The following CFAP92 variants were observed in gnomAD, a reference collection of about 807,000 sequenced individuals.
The protein encoded by CFAP92 is cilia and flagella associated protein 92 (putative).
A neutral mutation model predicts 106.3 loss-of-function variants in CFAP92; 86 were observed. The ratio of observed to expected loss-of-function variants is 0.81; its 90% confidence interval spans 0.68 to 0.97. The LOEUF (loss-of-function observed/expected upper bound fraction) is 0.97, where lower values mean the gene tolerates loss of function less well. Among genes scored for constraint, CFAP92 ranks in the 50% least tolerant of loss-of-function variants. The probability of loss-of-function intolerance (pLI) is 0.00; values close to 1 mark genes in which losing one functional copy is unlikely to be tolerated. For synonymous variants in CFAP92, 477 were observed against 506.4 expected, an observed-to-expected ratio of 0.94 and a Z score of 0.78; for missense variants, 1,204 against 1,283.8, an observed-to-expected ratio of 0.94 and a Z score of 0.95.
At chr3:128,992,991 G>T in intron 2 of CFAP92, 52 bp downstream of exon 2, 1 of 1,602,298 alleles carries the variant, frequency 6.2e-7, no homozygotes, top group Non-Finnish European at 8.5e-7. Flanking sequence ...CCTGCAGAAA[G>T]TCATGCACCT....
At chr3:128,946,179 T>C (rs1242450963) in intron 9 of CFAP92, among the ~76,000 whole-genome samples, 1 of 152,180 alleles carries the variant, frequency 6.6e-6, no homozygotes, top group Non-Finnish European at 1.5e-5. Flanking sequence ...CGCACCAGGA[T>C]GGCGACTGGC....
intron 7 of CFAP92, among the ~76,000 whole-genome samples, chr3:128,972,201 A>G (rs1942850201): frequency 6.6e-6 from 1 of 152,232 alleles, no homozygotes; most frequent in Non-Finnish European, 1.5e-5. Flanking sequence ...AATCATCAGA[A>G]GAATATCTAG....
At chr3:128,982,722 T>A (rs900497825) in intron 4 of CFAP92, among the ~76,000 whole-genome samples, 18 of 152,214 alleles carry the variant, frequency 1.2e-4, no homozygotes, top group African/African-American at 3.9e-4. Context: ...GAGGCCATTG[T>A]AAGGTTATTA....
chr3:128,919,177 C>G (rs1165156398), intron 12 of CFAP92, among the ~76,000 whole-genome samples: 1 of 151,830 alleles, frequency 6.6e-6, no homozygotes, highest in Non-Finnish European at 1.5e-5. Context: ...CGCCAGACTT[C>G]AAGCGATCCA....
In CFAP92 at chr3:128,977,140, A is replaced by G. The variant is rs1173125876; in HGVS notation, c.809-74T>C. On this transcript the variant is annotated intron_variant, in intron 5 of 15. Coordinates refer to ENST00000645291, the MANE Select transcript of CFAP92 (RefSeq NM_001394090.1). ...ACTAAGAAATGAGGGCCCCTGACCC[A>G]TTTCTGTAATGTCAGTCTCTATGCA... 6.2e-6 allele frequency: 7 copies of G among 1,136,950 alleles called. No homozygotes were observed. In the Admixed American group the frequency reaches 7.4e-5, roughly 12 times the overall value. The allele number at this position is 1,136,950 out of a possible 1,614,324, so 70.4% of individuals were successfully genotyped here. A position where few individuals can be genotyped will look rare whatever the true frequency, so the allele number is the denominator to read the frequency against.
At chr3:128,943,267 A>G (rs911211877) in intron 10 of CFAP92, among the ~76,000 whole-genome samples, 2 of 152,126 alleles carry the variant, frequency 1.3e-5, no homozygotes, top group Non-Finnish European at 2.9e-5. Context: ...CTACATTCAC[A>G]ATGTTGTGCA....
At chr3:129,015,733 C>G in the CFAP92 span, among the ~76,000 whole-genome samples, 1 of 151,842 alleles carries the variant, frequency 6.6e-6, no homozygotes, top group Admixed American at 6.6e-5. Flanking sequence ...GGACTGTCCC[C>G]CCACCCCTTG....
intron 2 of CFAP92, among the ~76,000 whole-genome samples, chr3:128,992,772 T>C (rs927110424): frequency 6.6e-6 from 1 of 151,998 alleles, no homozygotes; most frequent in African/African-American, 2.4e-5. Flanking sequence ...AACCTCTCCA[T>C]GGTTTTTTTT....
intron 9 of CFAP92, among the ~76,000 whole-genome samples, chr3:128,965,005 T>C (rs1452772165): frequency 6.6e-6 from 1 of 152,246 alleles, no homozygotes; most frequent in Non-Finnish European, 1.5e-5. Flanking sequence ...CCCCTGTGAC[T>C]TGCACGTATA....
chr3:128,924,017 C>A (rs1937514179), intron 12 of CFAP92, among the ~76,000 whole-genome samples: 1 of 152,168 alleles, frequency 6.6e-6, no homozygotes, highest in South Asian at 2.1e-4. Flanking sequence ...TTTGTGCTGT[C>A]TCCTTTTAGT....
Position 128,975,128 on chromosome 3 carries a change from T to A in CFAP92, c.1021+651A>T, listed in dbSNP as rs575612184. Among the ~76,000 whole-genome samples the A allele has an allele frequency of 8.4e-4, 119 of 142,376 alleles. 1 individual carries two copies. The highest frequency in any genetic ancestry group is 8.0e-3 in the South Asian group (38 of 4,768). The allele number at this position is 142,376 out of a possible 152,430, so 93.4% of individuals were successfully genotyped here. A position where few individuals can be genotyped will look rare whatever the true frequency, so the allele number is the denominator to read the frequency against. The stretch of plus-strand genomic sequence containing the variant: ...GAGTGAGACTCCATCTCAAAAAAAA[T>A]AAAATAAAATAAAATAAAAAGAGTA... On this transcript the variant is annotated intron_variant, in intron 7 of 15. Transcript: ENST00000645291.
In CFAP92 at chr3:128,993,156, C is replaced by T. The variant is rs762218678; in HGVS notation, c.149G>A (p.Arg50His). The stretch of plus-strand genomic sequence containing the variant: ...TGAGGACTCGATGCTGCTGCACGGG[C>T]GGTCAGAGTCAGACTCCTGGGCCCT... ...KARAQESDSD[R>H]PCSSIESSSE... The change falls in exon 2 of 16, where the codon CGC becomes CAC. Residue 50 changes from arginine to histidine, a missense_variant. By Grantham distance (29) the Arg-to-His change is conservative. Coordinates refer to ENST00000645291, the MANE Select transcript of CFAP92 (RefSeq NM_001394090.1). 7 of 1,613,954 alleles carry T rather than the reference C, an allele frequency of 4.3e-6. No homozygotes were observed. The African/African-American group carries it at 5.3e-5, about 12-fold the overall frequency.
intron 9 of CFAP92, among the ~76,000 whole-genome samples, chr3:128,957,214 T>G (rs1367778561): frequency 3.3e-5 from 5 of 152,124 alleles, no homozygotes; most frequent in African/African-American, 4.8e-5. Context: ...ATGGAATAAG[T>G]AGAACCACGG....
chr3:128,918,940 ATTTTTTT>A (rs10573280), intron 12 of CFAP92, among the ~76,000 whole-genome samples: 3,479 of 105,880 alleles, frequency 0.033, 78 homozygotes, highest in South Asian at 0.14. Flanking sequence ...CTCAGATTGG[ATTTTTTT>A]TTTTTTTTTT....
At chr3:128,913,149 C>T (rs1936534849) in intron 15 of CFAP92, 1 of 425,156 alleles carries the variant, frequency 2.4e-6, no homozygotes, top group Non-Finnish European at 4.8e-6. Flanking sequence ...TTCCTTAGAA[C>T]CAGCCTTTAA....
rs534861016 is a variant in CFAP92, at chr3:128,980,658, T to C, written c.668-2473A>G. On this transcript the variant is annotated intron_variant, in intron 4 of 15. Coordinates refer to ENST00000645291, the MANE Select transcript of CFAP92 (RefSeq NM_001394090.1). ...GCCACTTCTTTATCAACTAAATGTG[T>C]GTACTATTCTAAATCCTATTGTCAT... Among the ~76,000 whole-genome samples the C allele has an allele frequency of 2.0e-5, 3 of 152,356 alleles. No homozygotes were observed. In the South Asian group the frequency reaches 6.2e-4, roughly 32 times the overall value.
intron 1 of CFAP92, among the ~76,000 whole-genome samples, chr3:129,001,101 G>A (rs1186276151): frequency 1.3e-5 from 2 of 152,216 alleles, no homozygotes; most frequent in African/African-American, 4.8e-5. Context: ...AAGGCCTTCC[G>A]GGAAGAGGGG....
At chr3:128,916,001 T>C in intron 13 of CFAP92, 106 bp downstream of exon 13, 1 of 790,008 alleles carries the variant, frequency 1.3e-6, no homozygotes, top group Non-Finnish European at 1.7e-6. Flanking sequence ...GCTGATTGGC[T>C]TTCATCTGTA....
intron 9 of CFAP92, among the ~76,000 whole-genome samples, chr3:128,956,196 T>TAAAAAAAAAAAAA (rs577724635): frequency 1.6e-3 from 101 of 61,426 alleles, no homozygotes; most frequent in East Asian, 2.6e-3. Context: ...AAAAAAAAAA[T>TAAAAAAAAAAAAA]AAAAAAAAAA....
Sources: gnomAD v4.1 joint callset for allele counts (sites outside exome capture counted in the v4.1 genomes callset) on GRCh38, gnomAD v4.1.1 for gene constraint, MANE v1.5 for transcripts, NCBI Gene and HGNC (gene_info 2026-07-23, HGNC 2026-07-21) for gene names.